The following TMTC2 variants were observed in gnomAD, a reference collection of about 807,000 sequenced individuals.
TMTC2 encodes protein O-mannosyl-transferase TMTC2.
A neutral mutation model predicts 82.4 loss-of-function variants in TMTC2; 43 were observed. The observed-to-expected ratio is 0.52, with a 90% CI of 0.41 to 0.67. The LOEUF is 0.67. TMTC2 is among the 30% of genes least tolerant of loss of function. TMTC2 has a pLI of 0.00. For missense variants in TMTC2, 919 were observed against 1,012.4 expected (o/e 0.91, Z 1.25); for synonymous variants, 408 against 381.9 (o/e 1.07, Z -0.80).
intron 1 of TMTC2, among the ~76,000 whole-genome samples, chr12:82,734,845 C>G (rs1319450539): frequency 6.6e-6 from 1 of 152,120 alleles, no homozygotes; most frequent in Non-Finnish European, 1.5e-5. Context: ...ACTGCACTGT[C>G]AGAAACTCAA....
chr12:82,881,919 CTT>C (rs1872841782), intron 2 of TMTC2, among the ~76,000 whole-genome samples: 1 of 151,508 alleles, frequency 6.6e-6, no homozygotes, highest in South Asian at 2.1e-4. Flanking sequence ...AAAAATGACA[CTT>C]TGTGAAAACT....
intron 1 of TMTC2, among the ~76,000 whole-genome samples, chr12:82,719,849 T>C (rs939431464): frequency 6.6e-6 from 1 of 152,208 alleles, no homozygotes; most frequent in African/African-American, 2.4e-5. Context: ...TTCTGTATGC[T>C]ACGAGAGTTT....
chr12:82,998,153 G>T (rs1879747001), intron 8 of TMTC2, among the ~76,000 whole-genome samples: 1 of 152,156 alleles, frequency 6.6e-6, no homozygotes, highest in African/African-American at 2.4e-5. Flanking sequence ...TTACTGTCAA[G>T]TGTGCTGTCA....
chr12:82,882,348 T>C (rs982336668), intron 2 of TMTC2, among the ~76,000 whole-genome samples: 1 of 152,192 alleles, frequency 6.6e-6, no homozygotes, highest in Non-Finnish European at 1.5e-5. Flanking sequence ...ATCAGTACTT[T>C]ACCCCTTCTC....
chr12:82,706,161 T>C (rs1873340479), intron 1 of TMTC2, among the ~76,000 whole-genome samples: 1 of 151,828 alleles, frequency 6.6e-6, no homozygotes, highest in African/African-American at 2.4e-5. Context: ...GTACGAAAAT[T>C]AGCTGGGCTT....
At chr12:83,061,225 G>T (rs1443829087) in intron 10 of TMTC2, among the ~76,000 whole-genome samples, 1 of 151,700 alleles carries the variant, frequency 6.6e-6, no homozygotes, top group African/African-American at 2.4e-5. Context: ...TATAACCCTG[G>T]TGTCCAAAGT....
chr12:82,790,349 C>T (rs889121181), intron 1 of TMTC2, among the ~76,000 whole-genome samples: 13 of 152,086 alleles, frequency 8.5e-5, no homozygotes, highest in Non-Finnish European at 8.8e-5. Context: ...AGTTTACTGT[C>T]CCTCTTTGAG....
intron 3 of TMTC2, among the ~76,000 whole-genome samples, chr12:82,914,747 G>A (rs969251301): frequency 6.7e-5 from 10 of 150,254 alleles, no homozygotes; most frequent in Non-Finnish European, 1.5e-4. Context: ...TTTCCAAGGA[G>A]TTACACATCT....
chr12:82,748,718 A>T (rs952906419), intron 1 of TMTC2, among the ~76,000 whole-genome samples: 3 of 152,148 alleles, frequency 2.0e-5, no homozygotes, highest in Non-Finnish European at 4.4e-5. Flanking sequence ...TCTACTAAAA[A>T]TACAAAAAAT....
chr12:82,739,680 A>C (rs1396172167), intron 1 of TMTC2, among the ~76,000 whole-genome samples: 1 of 151,138 alleles, frequency 6.6e-6, no homozygotes, highest in Non-Finnish European at 1.5e-5. Context: ...TCAATAAACC[A>C]GACGTCTAAG....
At chr12:82,751,749 T>G (rs551574097) in intron 1 of TMTC2, among the ~76,000 whole-genome samples, 1 of 152,246 alleles carries the variant, frequency 6.6e-6, no homozygotes, top group Admixed American at 6.5e-5. Context: ...TCTGATACAT[T>G]CAATGTTTGT....
chr12:82,934,179 A>G (rs1253135868), intron 4 of TMTC2, among the ~76,000 whole-genome samples: 1 of 152,190 alleles, frequency 6.6e-6, no homozygotes, highest in Non-Finnish European at 1.5e-5. Context: ...GAGCCAATAT[A>G]TGAACCTAAG....
At chr12:82,934,827 G>A (rs77550378) in intron 4 of TMTC2, among the ~76,000 whole-genome samples, 2,978 of 152,160 alleles carry the variant, frequency 0.02, 101 homozygotes, top group East Asian at 0.17. Flanking sequence ...AACTAATTTA[G>A]ACTCCACCAG....
At chr12:82,970,203 A>T (rs555411772) in intron 7 of TMTC2, among the ~76,000 whole-genome samples, 4 of 152,222 alleles carry the variant, frequency 2.6e-5, no homozygotes, top group Non-Finnish European at 4.4e-5. Flanking sequence ...CTTTTATAAG[A>T]TTTTGGTAAT....
At chr12:82,984,658 C>T (rs1048917689) in intron 7 of TMTC2, among the ~76,000 whole-genome samples, 2 of 152,146 alleles carry the variant, frequency 1.3e-5, no homozygotes, top group African/African-American at 4.8e-5. Flanking sequence ...ACTGCTTGGT[C>T]TCAGAAACTG....
rs566117973 is a variant in TMTC2, at chr12:82,969,845, C to A, written c.1948+2848C>A. 5.3e-5 allele frequency among the ~76,000 whole-genome samples: 8 copies of A among 151,884 alleles called. No homozygotes were observed. In the East Asian group the frequency reaches 1.6e-3, roughly 30 times the overall value. ...GTAACAATAATTGAGGACACCTTCC[C>A]ATCCTGAATTAGGTGAATTACAAAC... On this transcript the variant is annotated intron_variant, in intron 7 of 11. Transcript: ENST00000321196.
chr12:82,704,320 G>A (rs1179147830), intron 1 of TMTC2, among the ~76,000 whole-genome samples: 2 of 152,030 alleles, frequency 1.3e-5, no homozygotes, highest in Admixed American at 1.3e-4. Context: ...CATAAGATTG[G>A]ACAGAAATAT....
chr12:82,952,376 C>G (rs1016853986), intron 4 of TMTC2, among the ~76,000 whole-genome samples: 2 of 152,100 alleles, frequency 1.3e-5, no homozygotes, highest in South Asian at 4.1e-4. Flanking sequence ...TGGCAGTTGT[C>G]TAATCTGGTT....
At chr12:82,785,580 T>C (rs556573372) in intron 1 of TMTC2, among the ~76,000 whole-genome samples, 41 of 152,194 alleles carry the variant, frequency 2.7e-4, no homozygotes, top group African/African-American at 9.4e-4. Context: ...CTGCCTGTTG[T>C]TGGACTGCAT....
Sources: allele counts gnomAD v4.1 joint callset (sites outside exome capture counted in the v4.1 genomes callset), GRCh38; gene constraint gnomAD v4.1.1; transcripts MANE v1.5; gene names NCBI Gene and HGNC (gene_info 2026-07-23, HGNC 2026-07-21).